Variants in P3H2 observed in about 807,000 individuals in gnomAD.
P3H2 encodes the protein prolyl 3-hydroxylase 2.
Under a neutral mutation model 87.0 loss-of-function variants are expected in P3H2, and 80 were observed. The ratio of observed to expected loss-of-function variants is 0.92; its 90% CI spans 0.77 to 1.11. The LOEUF (loss-of-function observed/expected upper bound fraction) is 1.11. P3H2 is among the 50% of genes least tolerant of loss of function. The pLI, the probability that P3H2 is intolerant of heterozygous loss-of-function variation, is 0.00. For synonymous variants in P3H2, 367 were observed against 359.3 expected (o/e 1.02, Z -0.24); for missense variants, 1,001 against 923.9 (o/e 1.08, Z -1.08).
chr3:190,046,829 C>T (rs1725822819), intron 1 of P3H2, among the ~76,000 whole-genome samples: 1 of 151,978 alleles, frequency 6.6e-6, no homozygotes, highest in African/African-American at 2.4e-5. Context: ...TTAAGCCACT[C>T]TAATTGGTAT....
intron 1 of P3H2, among the ~76,000 whole-genome samples, chr3:190,026,998 A>G (rs558575853): frequency 1.3e-5 from 2 of 152,344 alleles, no homozygotes; most frequent in Middle Eastern, 6.8e-3. Flanking sequence ...TGCCTTCTAC[A>G]ATACGAGCCA....
chr3:190,045,991 C>T (rs189560411), intron 1 of P3H2, among the ~76,000 whole-genome samples: 2,439 of 152,122 alleles, frequency 0.016, 28 homozygotes, highest in Middle Eastern at 0.037. Context: ...GCCGTGGTGG[C>T]GGGCGCCTGT....
chr3:190,072,082 C>T (rs764423268), intron 1 of P3H2, among the ~76,000 whole-genome samples: 5 of 150,590 alleles, frequency 3.3e-5, no homozygotes, highest in African/African-American at 1.2e-4. Context: ...CCCAGGTTCT[C>T]CTTTCTCAGC....
chr3:189,957,912 T>G lies in P3H2; in HGVS notation c.2127A>C (p.Ter709TyrextTer2). Residue 709 changes from the stop codon to tyrosine (Y), a stop_lost, in exon 15 of 15, where the codon TAA (stop) becomes TAC (tyrosine). Coordinates refer to ENST00000319332, the MANE Select transcript of P3H2 (RefSeq NM_018192.4). ...ELNINPKDEL[*>Y] ...TTTGATAGAACATTCTTTCTCATTT[T>G]TATAGCTCATCTTTAGGGTTGATAT... The G allele has an allele frequency of 6.3e-7, 1 of 1,586,264 alleles. No individual in the cohort carries two copies. Among genetic ancestry groups the G allele is most frequent in the Non-Finnish European group, 8.7e-7 (1 of 1,154,608 alleles).
At chr3:190,111,924 G>C (rs968328363) in intron 1 of P3H2, among the ~76,000 whole-genome samples, 3 of 152,212 alleles carry the variant, frequency 2.0e-5, no homozygotes, top group African/African-American at 7.2e-5. Flanking sequence ...AAGATGCTCA[G>C]AGAGAGAAAA....
intron 1 of P3H2, among the ~76,000 whole-genome samples, chr3:190,008,298 A>C (rs149528122): frequency 1.1e-3 from 171 of 152,198 alleles, no homozygotes; most frequent in African/African-American, 3.8e-3. Flanking sequence ...ACCATTTTTA[A>C]TCAGTGCATA....
At chr3:190,079,110 G>A (rs921915026) in intron 1 of P3H2, among the ~76,000 whole-genome samples, 1 of 152,030 alleles carries the variant, frequency 6.6e-6, no homozygotes, top group Non-Finnish European at 1.5e-5. Flanking sequence ...GGAAGCTGAG[G>A]CAGGTGGGCC....
intron 1 of P3H2, among the ~76,000 whole-genome samples, chr3:189,997,570 C>T (rs544105093): frequency 1.3e-5 from 2 of 152,314 alleles, no homozygotes; most frequent in African/African-American, 4.8e-5. Context: ...ATAATCAACT[C>T]TTAACACAAA....
At chr3:190,084,141 A>G (rs753721576) in intron 1 of P3H2, among the ~76,000 whole-genome samples, 1 of 152,242 alleles carries the variant, frequency 6.6e-6, no homozygotes, top group Non-Finnish European at 1.5e-5. Context: ...CTGAATCTAC[A>G]CATCAAGTTA....
intron 1 of P3H2, among the ~76,000 whole-genome samples, chr3:190,002,695 G>C (rs867429060): frequency 1.3e-5 from 2 of 152,082 alleles, no homozygotes; most frequent in Admixed American, 1.3e-4. Context: ...CACCGTGCCC[G>C]GCATTATGTT....
chr3:190,110,966 T>C (rs1712047895), intron 1 of P3H2, among the ~76,000 whole-genome samples: 1 of 152,246 alleles, frequency 6.6e-6, no homozygotes, highest in South Asian at 2.1e-4. Flanking sequence ...CTGAATCTAA[T>C]ATTTGTAGAT....
At chr3:189,993,976 C>A (rs1723959491) in intron 3 of P3H2, 118 bp downstream of exon 3, 2 of 826,574 alleles carry the variant, frequency 2.4e-6, no homozygotes, top group Non-Finnish European at 1.9e-6. Flanking sequence ...GGGATAGACA[C>A]ATGAGAGTCT....
chr3:190,064,238 C>T (rs1003816093), intron 1 of P3H2, among the ~76,000 whole-genome samples: 1 of 151,616 alleles, frequency 6.6e-6, no homozygotes, highest in African/African-American at 2.4e-5. Flanking sequence ...TTCTTGAAAT[C>T]CTGAGCTCAA....
rs189402276 is a variant in P3H2, at chr3:190,078,033, C to T, written c.480+42219G>A. On this transcript the variant is annotated intron_variant, in intron 1 of 14. Transcript: ENST00000319332. ...CAAGGCAAATAAATCAAGGGCCCTT[C>T]CTATTGCTTTCAACATAGTTCAAGA... Among the ~76,000 whole-genome samples the T allele has an allele frequency of 8.9e-4, 136 of 152,280 alleles. No individual in the cohort carries two copies. The Middle Eastern group carries it at 0.031, about 34-fold the overall frequency.
intron 1 of P3H2, among the ~76,000 whole-genome samples, chr3:190,076,099 T>C (rs1481195371): frequency 3.3e-5 from 5 of 151,862 alleles, no homozygotes; most frequent in Admixed American, 2.0e-4. Context: ...GGCTTGTTTC[T>C]CCTGGGCTGA....
intron 1 of P3H2, among the ~76,000 whole-genome samples, chr3:190,075,922 C>T (rs573396272): frequency 6.6e-6 from 1 of 152,252 alleles, no homozygotes; most frequent in African/African-American, 2.4e-5. Flanking sequence ...CTTCCCACAA[C>T]TAACACTTTT....
At chr3:190,099,648 C>T (rs561040877) in intron 1 of P3H2, among the ~76,000 whole-genome samples, 8 of 152,240 alleles carry the variant, frequency 5.3e-5, no homozygotes, top group South Asian at 2.1e-4. Context: ...AGCAAAAAAG[C>T]ACATTTCTAA....
At chr3:189,964,194 C>T (rs749774396) in intron 13 of P3H2, 96 bp from the exon 14 acceptor site, 1 of 1,152,718 alleles carries the variant, frequency 8.7e-7, no homozygotes, top group Non-Finnish European at 1.3e-6. Context: ...TGAGTTAAGG[C>T]CTGAGGCGAA....
intron 1 of P3H2, among the ~76,000 whole-genome samples, chr3:190,072,598 T>C (rs1427825093): frequency 3.3e-5 from 5 of 152,210 alleles, no homozygotes; most frequent in South Asian, 2.1e-4. Flanking sequence ...TCAAGCAATA[T>C]TTATTAGTGC....
Sources: allele counts gnomAD v4.1 joint callset (sites outside exome capture counted in the v4.1 genomes callset), GRCh38; gene constraint gnomAD v4.1.1; transcripts MANE v1.5; gene names NCBI Gene and HGNC (gene_info 2026-07-23, HGNC 2026-07-21).